The following TBCEL variants were observed in gnomAD, a reference collection of about 807,000 sequenced individuals.
TBCEL encodes the protein tubulin-specific chaperone cofactor E-like protein.
A neutral mutation model predicts 44.2 loss-of-function variants in TBCEL; 15 were observed. The observed-to-expected ratio is 0.34, with a 90% CI of 0.23 to 0.52. TBCEL has a LOEUF of 0.52. Ranked by LOEUF, TBCEL falls within the 20% of genes least tolerant of loss-of-function variation. The pLI is 0.95. For synonymous variants in TBCEL, 171 were observed against 185.4 expected, an observed-to-expected ratio of 0.92 and a Z score of 0.63; for missense variants, 319 against 506.3, an observed-to-expected ratio of 0.63 and a Z score of 3.55.
intron 8 of TBCEL, among the ~76,000 whole-genome samples, 157 bp from the exon 9 acceptor site, chr11:121,086,621 A>C (rs1374938484): frequency 6.6e-6 from 1 of 152,192 alleles, no homozygotes; most frequent in East Asian, 1.9e-4. Flanking sequence ...TCCCTAGGGC[A>C]CTCATATTAG....
At chr11:121,058,247 A>T (rs1444868752) in intron 6 of TBCEL, 98 bp from the exon 7 acceptor site, 38 of 1,368,542 alleles carry the variant, frequency 2.8e-5, no homozygotes, top group Non-Finnish European at 3.6e-5. Flanking sequence ...TCATTTTAAC[A>T]TTTCAGAAGT....
intron 8 of TBCEL, among the ~76,000 whole-genome samples, chr11:121,084,683 A>G (rs1379665534): frequency 1.3e-5 from 2 of 152,098 alleles, no homozygotes; most frequent in Non-Finnish European, 2.9e-5. Context: ...GGGTATTACA[A>G]TTTTACTTTT....
chr11:121,076,984 T>G (rs1445403839), intron 8 of TBCEL, among the ~76,000 whole-genome samples: 1 of 152,044 alleles, frequency 6.6e-6, no homozygotes, highest in Non-Finnish European at 1.5e-5. Context: ...AGCCTTGAAT[T>G]CCCAAAATAA....
intron 6 of TBCEL, among the ~76,000 whole-genome samples, chr11:121,057,291 T>G (rs1945639286): frequency 1.3e-5 from 2 of 151,866 alleles, no homozygotes; most frequent in African/African-American, 4.8e-5. Context: ...GAAATAGACT[T>G]GATGATGCAT....
Position 121,047,516 on chromosome 11 carries a change from C to G in TBCEL, c.134-12C>G. On this transcript the variant is annotated splice_polypyrimidine_tract_variant and intron_variant, in intron 3 of 8. Transcript: ENST00000683345. ...CTGATATAGAAAACATTTTGTGTCT[C>G]TCATCATTCAGATCGCCTCAACCTC... The G allele has an allele frequency of 6.2e-7, 1 of 1,611,298 alleles. No homozygotes were observed. The highest frequency in any genetic ancestry group is 1.1e-5 in the South Asian group (1 of 90,934).
chr11:121,046,244 A>T (rs1945427928), intron 3 of TBCEL, among the ~76,000 whole-genome samples: 1 of 152,124 alleles, frequency 6.6e-6, no homozygotes, highest in African/African-American at 2.4e-5. Context: ...AATTTAAAAG[A>T]TAATTAATAT....
chr11:121,042,159 C>T (rs757196321), intron 2 of TBCEL, among the ~76,000 whole-genome samples: 3 of 152,136 alleles, frequency 2.0e-5, no homozygotes, highest in Non-Finnish European at 4.4e-5. Flanking sequence ...GCTGCTTAAA[C>T]TCAGTGACAT....
chr11:121,072,220 G>T (rs1228199403), intron 8 of TBCEL, among the ~76,000 whole-genome samples: 4 of 152,134 alleles, frequency 2.6e-5, no homozygotes, highest in African/African-American at 9.7e-5. Flanking sequence ...GGATATACTT[G>T]GAAAGGAAAG....
At chr11:121,033,013 A>C (rs1945170602) in intron 1 of TBCEL, among the ~76,000 whole-genome samples, 1 of 152,222 alleles carries the variant, frequency 6.6e-6, no homozygotes, top group Non-Finnish European at 1.5e-5. Flanking sequence ...ACTTAGCATT[A>C]GCACTTTCCC....
chr11:121,065,964 C>A (rs1205572148), intron 8 of TBCEL, among the ~76,000 whole-genome samples: 4 of 152,222 alleles, frequency 2.6e-5, no homozygotes, highest in African/African-American at 9.6e-5. Flanking sequence ...TGCCTCTAAT[C>A]CACTCCTTGG....
At chr11:121,044,135 T>C (rs1945385274) in intron 2 of TBCEL, among the ~76,000 whole-genome samples, 1 of 152,070 alleles carries the variant, frequency 6.6e-6, no homozygotes. Context: ...AATCTGCCTC[T>C]GCTTTCTATT....
At chr11:121,050,716 G>A (rs1356622928) in intron 4 of TBCEL, among the ~76,000 whole-genome samples, 1 of 151,680 alleles carries the variant, frequency 6.6e-6, no homozygotes. Context: ...AGGTACAGAT[G>A]ACAGATTGTT....
chr11:121,057,299 C>T (rs1382096846), intron 6 of TBCEL, among the ~76,000 whole-genome samples: 2 of 151,790 alleles, frequency 1.3e-5, no homozygotes, highest in Non-Finnish European at 2.9e-5. Flanking sequence ...CTTGATGATG[C>T]ATTGTAAAAT....
At chr11:121,041,911 CA>C (rs201192130) in intron 2 of TBCEL, among the ~76,000 whole-genome samples, 4,606 of 84,902 alleles carry the variant, frequency 0.054, 172 homozygotes, top group African/African-American at 0.14. Flanking sequence ...GCTTTTCAGT[CA>C]AAAAAAAAAA....
chr11:121,047,750 A>G (rs1227368565), intron 4 of TBCEL, 83 bp downstream of exon 4: 1 of 1,516,084 alleles, frequency 6.6e-7, no homozygotes, highest in African/African-American at 1.4e-5. Context: ...TGTTCTGCTA[A>G]ATTCTGTTCT....
Position 121,088,303 on chromosome 11 carries a change from A to G in TBCEL, c.*1207A>G, listed in dbSNP as rs2135031537. 6.6e-6 allele frequency: 1 copy of G among 152,328 alleles called. No homozygotes were observed. Among genetic ancestry groups the G allele is most frequent in the Non-Finnish European group, 1.5e-5 (1 of 68,024 alleles). The allele number at this position is 152,328 out of a possible 1,614,324, so 9.4% of individuals were successfully genotyped here. ...TTCAATTTAGTTGCCTCATAGAAGT[A>G]TAACTGCCCAATCTATGAGTAAAGT... is the stretch of plus-strand genomic sequence containing the variant. On this transcript the variant is annotated 3_prime_UTR_variant, in exon 9 of 9. Coordinates refer to ENST00000683345, the MANE Select transcript of TBCEL (RefSeq NM_001363644.2).
chr11:121,036,795 T>C (rs1407779647), intron 2 of TBCEL, among the ~76,000 whole-genome samples, 183 bp downstream of exon 2: 2 of 152,178 alleles, frequency 1.3e-5, no homozygotes, highest in East Asian at 1.9e-4. Flanking sequence ...ATGAAAAAAG[T>C]GTGTGTCTTT....
chr11:121,025,745 G>T (rs1283379427), intron 1 of TBCEL, among the ~76,000 whole-genome samples: 3 of 150,612 alleles, frequency 2.0e-5, no homozygotes, highest in East Asian at 3.9e-4. Context: ...TATTTTGGCC[G>T]GGGGAGAGGG....
chr11:121,029,707 G>A (rs77849605), intron 1 of TBCEL, among the ~76,000 whole-genome samples: 2,522 of 152,190 alleles, frequency 0.017, 72 homozygotes, highest in African/African-American at 0.058. Flanking sequence ...TCCATAACAA[G>A]TACTATTGTG....
Sources: allele counts gnomAD v4.1 joint callset (sites outside exome capture counted in the v4.1 genomes callset), GRCh38; gene constraint gnomAD v4.1.1; transcripts MANE v1.5; gene names NCBI Gene and HGNC (gene_info 2026-07-23, HGNC 2026-07-21).